The following NALF1 variants were observed in gnomAD, a reference collection of about 807,000 sequenced individuals.
NALF1 encodes the protein family with sequence similarity 155 member A.
A neutral mutation model predicts 48.4 loss-of-function variants in NALF1; 3 were observed. The ratio of observed to expected loss-of-function variants is 0.06; its 90% CI spans 0.03 to 0.16. The LOEUF (loss-of-function observed/expected upper bound fraction) is 0.16, where lower values mean the gene tolerates loss of function less well. Ranked by LOEUF, NALF1 falls within the 10% of genes least tolerant of loss-of-function variation. NALF1 has a pLI of 1.00. For missense variants in NALF1, 526 were observed against 571.5 expected (o/e 0.92, Z 0.81); for synonymous variants, 262 against 245.7 (o/e 1.07, Z -0.62).
chr13:107,209,844 G>A (rs1394989524), intron 2 of NALF1, among the ~76,000 whole-genome samples: 2 of 152,080 alleles, frequency 1.3e-5, no homozygotes, highest in South Asian at 2.1e-4. Context: ...GCCACCACTC[G>A]GATTATCACA....
intron 1 of NALF1, among the ~76,000 whole-genome samples, chr13:107,587,863 C>T (rs1390297918): frequency 1.3e-5 from 2 of 152,092 alleles, no homozygotes; most frequent in African/African-American, 4.8e-5. Context: ...TGGATGCATC[C>T]CTGCTAGACT....
At chr13:107,406,238 C>T (rs1883897331) in intron 1 of NALF1, among the ~76,000 whole-genome samples, 1 of 151,844 alleles carries the variant, frequency 6.6e-6, no homozygotes, top group African/African-American at 2.4e-5. Context: ...TCTTACTTAA[C>T]AATAATAACA....
At chr13:107,282,574 A>T (rs1566473761) in intron 1 of NALF1, among the ~76,000 whole-genome samples, 1 of 152,204 alleles carries the variant, frequency 6.6e-6, no homozygotes, top group Non-Finnish European at 1.5e-5. Flanking sequence ...TGCAGTAATG[A>T]CAGAGTGCGA....
intron 1 of NALF1, among the ~76,000 whole-genome samples, chr13:107,538,230 A>G (rs553954419): frequency 6.6e-6 from 1 of 152,184 alleles, no homozygotes; most frequent in South Asian, 2.1e-4. Context: ...TAATAAATGC[A>G]TTTCTTTCTA....
chr13:107,706,245 G>C (rs1250471665), intron 1 of NALF1, among the ~76,000 whole-genome samples: 1 of 152,086 alleles, frequency 6.6e-6, no homozygotes, highest in Admixed American at 6.5e-5. Context: ...CCACATAAAG[G>C]GGAAAGTCAA....
intron 1 of NALF1, among the ~76,000 whole-genome samples, chr13:107,249,109 T>G (rs1880642658): frequency 6.6e-6 from 1 of 152,062 alleles, no homozygotes; most frequent in Non-Finnish European, 1.5e-5. Context: ...ATCTCCAGCC[T>G]ACTCAGAGGA....
chr13:107,840,532 G>C (rs1211429359), intron 1 of NALF1, among the ~76,000 whole-genome samples: 1 of 152,152 alleles, frequency 6.6e-6, no homozygotes, highest in African/African-American at 2.4e-5. Context: ...AAAGGAAAAG[G>C]AATGTGCCTT....
intron 1 of NALF1, among the ~76,000 whole-genome samples, chr13:107,337,277 C>A (rs1882579102): frequency 6.6e-6 from 1 of 151,960 alleles, no homozygotes. Context: ...TCTTTAAATA[C>A]AAAGTTAGAT....
chr13:107,670,124 T>C (rs1366963039), intron 1 of NALF1, among the ~76,000 whole-genome samples: 2 of 152,138 alleles, frequency 1.3e-5, no homozygotes, highest in African/African-American at 2.4e-5. Flanking sequence ...CTGAAAAGGT[T>C]AGTAAGATTG....
intron 1 of NALF1, among the ~76,000 whole-genome samples, chr13:107,782,115 A>G (rs999505116): frequency 1.3e-5 from 2 of 151,846 alleles, no homozygotes; most frequent in Non-Finnish European, 2.9e-5. Context: ...CCGAAGCTGG[A>G]CTGTACTGCC....
intron 1 of NALF1, among the ~76,000 whole-genome samples, chr13:107,740,361 C>T (rs938903943): frequency 6.6e-6 from 1 of 152,072 alleles, no homozygotes; most frequent in African/African-American, 2.4e-5. Flanking sequence ...GAGATACAGT[C>T]TGTGAGGCAT....
rs149235165 is a variant in NALF1 at position 107,374,657 on chromosome 13, T to C, written c.916-163902A>G. On this transcript the variant is annotated intron_variant, in intron 1 of 2. Coordinates refer to ENST00000375915, the MANE Select transcript of NALF1 (RefSeq NM_001080396.3). ...TTCACTAGCAATACCACGATGATTA[T>C]AATCCCCAGAGCAACAGTGTTGGGA... Among the ~76,000 whole-genome samples, 148 of 152,280 alleles carry C rather than the reference T, an allele frequency of 9.7e-4. 1 individual carries two copies. The highest frequency in any genetic ancestry group is 3.3e-3 in the African/African-American group (137 of 41,564).
chr13:107,284,823 C>T (rs1184140259), intron 1 of NALF1, among the ~76,000 whole-genome samples: 1 of 152,288 alleles, frequency 6.6e-6, no homozygotes, highest in African/African-American at 2.4e-5. Context: ...AGAATGAAAC[C>T]TGCCATGCTG....
At chr13:107,754,311 G>A (rs1048374934) in intron 1 of NALF1, among the ~76,000 whole-genome samples, 2 of 150,746 alleles carry the variant, frequency 1.3e-5, no homozygotes, top group Non-Finnish European at 2.9e-5. Flanking sequence ...AAGCCAAAAA[G>A]GGAATACCAG....
chr13:107,631,946 A>G (rs2138449326), intron 1 of NALF1, among the ~76,000 whole-genome samples: 1 of 152,262 alleles, frequency 6.6e-6, no homozygotes, highest in South Asian at 2.1e-4. Context: ...AAGACTTAAA[A>G]AAGATAAAAA....
rs140856725 is a variant in NALF1, at chr13:107,580,398, A to G, written c.915+285284T>C. ...GCATCTGCCTTTTTCATGCCTGGAA[A>G]GCTCTGCCTGAATTGTGTGCAGGGC... On this transcript the variant is annotated intron_variant, in intron 1 of 2. Coordinates refer to ENST00000375915, the MANE Select transcript of NALF1 (RefSeq NM_001080396.3). 2.0e-3 allele frequency among the ~76,000 whole-genome samples: 309 copies of G among 152,136 alleles called. 1 individual carries two copies. The highest frequency in any genetic ancestry group is 7.0e-3 in the African/African-American group (289 of 41,506).
intron 1 of NALF1, among the ~76,000 whole-genome samples, chr13:107,665,108 T>C (rs1323332485): frequency 1.3e-5 from 2 of 152,170 alleles, no homozygotes; most frequent in Non-Finnish European, 2.9e-5. Context: ...TTTGACTAGT[T>C]AGGTCATTCC....
chr13:107,579,420 T>C (rs1222499813), intron 1 of NALF1, among the ~76,000 whole-genome samples: 1 of 152,164 alleles, frequency 6.6e-6, no homozygotes, highest in Non-Finnish European at 1.5e-5. Context: ...TCAATATCCA[T>C]TCAGGTCTTC....
intron 1 of NALF1, among the ~76,000 whole-genome samples, chr13:107,523,024 T>C (rs1322239137): frequency 6.6e-6 from 1 of 152,184 alleles, no homozygotes. Context: ...CATTGGTTTC[T>C]CATCTGAAAC....
Sources: allele counts gnomAD v4.1 joint callset (sites outside exome capture counted in the v4.1 genomes callset), GRCh38; gene constraint gnomAD v4.1.1; transcripts MANE v1.5; gene names NCBI Gene and HGNC (gene_info 2026-07-23, HGNC 2026-07-21).